Variants in KPNA3 observed in about 807,000 individuals in gnomAD.
KPNA3 encodes importin subunit alpha-4.
KPNA3 carries 13 observed loss-of-function variants against 73.8 expected under a neutral mutation model. That is an observed-to-expected ratio of 0.18 (90% CI 0.11 to 0.28). The LOEUF is 0.28. Ranked by LOEUF, KPNA3 falls within the 10% of genes least tolerant of loss-of-function variation. The pLI is 1.00. For synonymous variants in KPNA3, 186 were observed against 206.9 expected (o/e 0.90, Z 0.87); for missense variants, 360 against 618.1 (o/e 0.58, Z 4.43).
At chr13:49,724,671 A>G (rs1954393138) in intron 7 of KPNA3, among the ~76,000 whole-genome samples, 9 of 152,086 alleles carry the variant, frequency 5.9e-5, no homozygotes. Flanking sequence ...GTCTCGGCTC[A>G]CTGCAACCTC....
At chr13:49,720,360 T>C (rs1954343482) in intron 9 of KPNA3, among the ~76,000 whole-genome samples, 1 of 152,204 alleles carries the variant, frequency 6.6e-6, no homozygotes, top group African/African-American at 2.4e-5. Flanking sequence ...GATCTCTTTT[T>C]AAAATATGGG....
chr13:49,704,246 A>T (rs1023513183), intron 15 of KPNA3, among the ~76,000 whole-genome samples: 4 of 151,952 alleles, frequency 2.6e-5, no homozygotes, highest in Non-Finnish European at 5.9e-5. Context: ...ACACGGAGAA[A>T]CCCTGCCTCT....
intron 1 of KPNA3, among the ~76,000 whole-genome samples, chr13:49,755,985 C>T (rs571710705): frequency 2.0e-5 from 3 of 151,996 alleles, no homozygotes; most frequent in Non-Finnish European, 4.4e-5. Flanking sequence ...ATACAAACAA[C>T]AGCCGGGTGT....
intron 1 of KPNA3, among the ~76,000 whole-genome samples, chr13:49,792,213 C>T (rs1384901235): frequency 6.6e-6 from 1 of 151,854 alleles, no homozygotes; most frequent in East Asian, 1.9e-4. Flanking sequence ...GCCGAAAACG[C>T]CGGCATTTCC....
intron 1 of KPNA3, among the ~76,000 whole-genome samples, chr13:49,764,673 T>C (rs1954795063): frequency 1.3e-5 from 2 of 152,064 alleles, no homozygotes; most frequent in South Asian, 2.1e-4. Context: ...GTCCCCTTGC[T>C]TCATCAATTA....
At chr13:49,705,406 A>G (rs1404330178) in intron 15 of KPNA3, among the ~76,000 whole-genome samples, 1 of 152,068 alleles carries the variant, frequency 6.6e-6, no homozygotes, top group Non-Finnish European at 1.5e-5. Flanking sequence ...AAGGCTATAC[A>G]GTGACTTTCA....
chr13:49,754,336 T>C (rs1263627274), intron 1 of KPNA3, among the ~76,000 whole-genome samples: 1 of 152,054 alleles, frequency 6.6e-6, no homozygotes, highest in East Asian at 1.9e-4. Context: ...CTAAGTGTAT[T>C]GATTGCCTTA....
Position 49,701,161 on chromosome 13 carries a change from C to A in KPNA3, c.*639G>T. ...CTTCCTCCAACCCTGGCTTCTGAGG[C>A]AGATAATAAACACATCAATTACTGG... On this transcript the variant is annotated 3_prime_UTR_variant, in exon 17 of 17. Coordinates refer to ENST00000261667, the MANE Select transcript of KPNA3 (RefSeq NM_002267.4). 1 of 158,870 alleles carries A rather than the reference C, an allele frequency of 6.3e-6. No homozygotes were observed. Among genetic ancestry groups the A allele is most frequent in the Admixed American group, 6.3e-5 (1 of 15,932 alleles). The allele number at this position is 158,870 out of a possible 1,614,324, so 9.8% of individuals were successfully genotyped here.
At chr13:49,753,784 TCTAA>T (rs1264067696) in intron 1 of KPNA3, among the ~76,000 whole-genome samples, 1 of 152,164 alleles carries the variant, frequency 6.6e-6, no homozygotes, top group Non-Finnish European at 1.5e-5. Context: ...CTTATGAGAA[TCTAA>T]CTAATGCCTG....
chr13:49,752,804 G>A (rs565815669), intron 1 of KPNA3, among the ~76,000 whole-genome samples: 2 of 151,812 alleles, frequency 1.3e-5, no homozygotes, highest in Admixed American at 6.6e-5. Flanking sequence ...CGAGGCGGGC[G>A]GATCATGAGG....
chr13:49,761,442 T>C (rs902337620), intron 1 of KPNA3, among the ~76,000 whole-genome samples: 28 of 152,262 alleles, frequency 1.8e-4, no homozygotes, highest in Admixed American at 1.6e-3. Flanking sequence ...GGTTTCGCTG[T>C]GTTGGCCGGG....
chr13:49,708,734 T>C (rs774748565), intron 12 of KPNA3, among the ~76,000 whole-genome samples: 2 of 152,192 alleles, frequency 1.3e-5, no homozygotes, highest in Non-Finnish European at 2.9e-5. Flanking sequence ...GCAAAATGAA[T>C]GAACCTTGAA....
intron 2 of KPNA3, 44 bp downstream of exon 2, chr13:49,746,904 TC>T: frequency 7.0e-7 from 1 of 1,423,126 alleles, no homozygotes; most frequent in Non-Finnish European, 9.9e-7. Context: ...AATTTTAACA[TC>T]AGAAAAATCT....
intron 11 of KPNA3, among the ~76,000 whole-genome samples, chr13:49,710,219 G>A (rs141813002): frequency 6.6e-6 from 1 of 152,118 alleles, no homozygotes; most frequent in Admixed American, 6.6e-5. Context: ...CAGAGATCGC[G>A]CCACCATACT....
intron 1 of KPNA3, among the ~76,000 whole-genome samples, chr13:49,773,769 C>T (rs1954874358): frequency 6.6e-6 from 1 of 152,086 alleles, no homozygotes; most frequent in African/African-American, 2.4e-5. Flanking sequence ...AAGAACTGAA[C>T]AAGAGCAGGA....
chr13:49,758,835 A>G (rs1260452242), intron 1 of KPNA3, among the ~76,000 whole-genome samples: 2 of 152,290 alleles, frequency 1.3e-5, no homozygotes, highest in African/African-American at 4.8e-5. Flanking sequence ...CAAGATGTCT[A>G]CTTGGAGATG....
chr13:49,730,574 A>C (rs914129208), intron 6 of KPNA3, among the ~76,000 whole-genome samples: 4 of 146,908 alleles, frequency 2.7e-5, no homozygotes, highest in African/African-American at 9.9e-5. Flanking sequence ...GGAGGGTCCT[A>C]AAGGTAGAAG....
intron 10 of KPNA3, among the ~76,000 whole-genome samples, chr13:49,712,579 A>C (rs1026988939): frequency 6.6e-6 from 1 of 152,104 alleles, no homozygotes; most frequent in Non-Finnish European, 1.5e-5. Flanking sequence ...GTCTTCAGAG[A>C]CCCTACAAGG....
chr13:49,704,089 G>A (rs1223811206), intron 15 of KPNA3, among the ~76,000 whole-genome samples: 1 of 152,014 alleles, frequency 6.6e-6, no homozygotes, highest in African/African-American at 2.4e-5. Flanking sequence ...TGTCACCTTG[G>A]ACAAGACTCC....
Sources: allele counts gnomAD v4.1 joint callset (sites outside exome capture counted in the v4.1 genomes callset), GRCh38; gene constraint gnomAD v4.1.1; transcripts MANE v1.5; gene names NCBI Gene and HGNC (gene_info 2026-07-23, HGNC 2026-07-21).